Variants in MAOB observed in about 807,000 individuals in gnomAD.
MAOB encodes monoamine oxidase B, also known as amine oxidase [flavin-containing] B.
Under a neutral mutation model 41.9 loss-of-function variants are expected in MAOB, and 15 were observed. That is an observed-to-expected ratio of 0.36 (90% CI 0.24 to 0.55). MAOB has a LOEUF of 0.55. Ranked by LOEUF, MAOB falls within the 20% of genes least tolerant of loss-of-function variation. MAOB has a pLI of 0.86. For missense variants in MAOB, 345 were observed against 398.7 expected, an observed-to-expected ratio of 0.87 and a Z score of 1.15; for synonymous variants, 167 against 144.2, an observed-to-expected ratio of 1.16 and a Z score of -1.13.
intron 8 of MAOB, among the ~76,000 whole-genome samples, chrX:43,791,176 C>T (rs1475560288): frequency 8.9e-6 from 1 of 111,849 alleles, no homozygotes; most frequent in Admixed American, 9.5e-5. Flanking sequence ...CAGTCCTAAA[C>T]GTGATTATCT....
intron 1 of MAOB, among the ~76,000 whole-genome samples, chrX:43,847,200 C>T (rs1365192501): frequency 1.8e-5 from 2 of 110,633 alleles, no homozygotes; most frequent in East Asian, 2.8e-4. Context: ...GAAAATTACC[C>T]GGGTGTGGTG....
intron 3 of MAOB, among the ~76,000 whole-genome samples, chrX:43,830,197 T>A (rs1041861629): frequency 2.7e-5 from 3 of 112,144 alleles, no homozygotes; most frequent in African/African-American, 9.7e-5. Flanking sequence ...ACTTTTAGAT[T>A]TCACGCATAT....
intron 1 of MAOB, among the ~76,000 whole-genome samples, chrX:43,877,964 C>T (rs1206039336): frequency 8.9e-6 from 1 of 112,188 alleles, no homozygotes; most frequent in Admixed American, 9.4e-5. Flanking sequence ...TGTTTTTGCT[C>T]CCTTAGATTG....
At chrX:43,861,244 G>C (rs2035330256) in intron 1 of MAOB, among the ~76,000 whole-genome samples, 1 of 112,599 alleles carries the variant, frequency 8.9e-6, no homozygotes, top group African/African-American at 3.2e-5. Flanking sequence ...GAATTCAGAC[G>C]AGTCAATTAA....
intron 1 of MAOB, among the ~76,000 whole-genome samples, chrX:43,876,848 G>A (rs748343376): frequency 4.5e-5 from 5 of 111,219 alleles, no homozygotes; most frequent in Non-Finnish European, 9.4e-5. Context: ...GCATGCACGC[G>A]TGTGTGTGTG....
intron 1 of MAOB, among the ~76,000 whole-genome samples, chrX:43,849,514 T>C (rs150674183): frequency 3.6e-5 from 4 of 112,533 alleles, no homozygotes; most frequent in African/African-American, 9.7e-5. Flanking sequence ...TTCCAAAACA[T>C]GTCCTTCATT....
At chrX:43,803,274 T>A in intron 4 of MAOB, 26 bp downstream of exon 4, 1 of 1,106,422 alleles carries the variant, frequency 9.0e-7, no homozygotes, top group Middle Eastern at 2.5e-4. Context: ...CAAAAAAGAA[T>A]ACAAATATAG....
chrX:43,804,011 G>A (rs529975253), intron 3 of MAOB, among the ~76,000 whole-genome samples: 75 of 111,234 alleles, frequency 6.7e-4, no homozygotes, highest in African/African-American at 2.4e-3. Context: ...TTCCCACAGG[G>A]ATACCTCGAC....
chrX:43,782,739 T>C (rs2034350132), intron 8 of MAOB, among the ~76,000 whole-genome samples: 1 of 111,851 alleles, frequency 8.9e-6, no homozygotes, highest in Non-Finnish European at 1.9e-5. Context: ...GCAAAAATCC[T>C]CAATAAAATA....
intron 1 of MAOB, among the ~76,000 whole-genome samples, chrX:43,857,130 G>C (rs752660215): frequency 3.5e-5 from 1 of 28,898 alleles, no homozygotes; most frequent in Non-Finnish European, 6.1e-5. Flanking sequence ...GAGAGAGAGA[G>C]AGAGAGAGAG....
chrX:43,853,796 G>A (rs2035271020), intron 1 of MAOB, among the ~76,000 whole-genome samples: 1 of 111,080 alleles, frequency 9.0e-6, no homozygotes, highest in African/African-American at 3.3e-5. Flanking sequence ...AGACACTAAG[G>A]GAGAGGCATG....
chrX:43,786,727 A>G (rs894904273), intron 8 of MAOB, among the ~76,000 whole-genome samples: 5 of 111,877 alleles, frequency 4.5e-5, no homozygotes, highest in African/African-American at 1.6e-4. Flanking sequence ...GGACCAGCAT[A>G]GGATGCCAGG....
intron 11 of MAOB, among the ~76,000 whole-genome samples, chrX:43,777,837 A>G (rs777112733): frequency 4.5e-5 from 5 of 112,223 alleles, no homozygotes; most frequent in South Asian, 7.5e-4. Flanking sequence ...TTTAATAATC[A>G]CTTTCAAAAG....
At position 43,770,981 on chromosome X, in the gene MAOB, T is replaced by C. The variant is rs28636832; in HGVS notation, c.1236-1563A>G. ...GTTCTCTTATATCTGATAAGCGATG[T>C]CAAGAACTAACATCCATGTTCCATC... On this transcript the variant is annotated intron_variant, in intron 12 of 14. Coordinates refer to ENST00000378069, the MANE Select transcript of MAOB (RefSeq NM_000898.5). Among the ~76,000 whole-genome samples the C allele has an allele frequency of 5.6e-3, 631 of 111,982 alleles. 3 individuals carry two copies. The highest frequency in any genetic ancestry group is 0.019 in the African/African-American group (594 of 30,770).
At chrX:43,779,853 C>T (rs1204358076) in intron 10 of MAOB, among the ~76,000 whole-genome samples, 1 of 111,556 alleles carries the variant, frequency 9.0e-6, no homozygotes, top group Non-Finnish European at 1.9e-5. Context: ...CACTGGTGAA[C>T]ACTAATTGCA....
chrX:43,806,408 T>C (rs2034662368), intron 3 of MAOB, among the ~76,000 whole-genome samples: 1 of 112,005 alleles, frequency 8.9e-6, no homozygotes, highest in South Asian at 3.7e-4. Flanking sequence ...CTGTCTGAAG[T>C]TACTTTTTTC....
At chrX:43,870,466 G>A (rs1029556709) in intron 1 of MAOB, among the ~76,000 whole-genome samples, 11 of 111,174 alleles carry the variant, frequency 9.9e-5, no homozygotes, top group Non-Finnish European at 2.1e-4. Flanking sequence ...ACTAAGCACC[G>A]TCTCCAGGCC....
intron 3 of MAOB, among the ~76,000 whole-genome samples, chrX:43,817,176 C>A (rs1364311468): frequency 9.3e-6 from 1 of 106,985 alleles, no homozygotes; most frequent in East Asian, 3.0e-4. Context: ...TCTGTTTTAA[C>A]TACTGACCAA....
At chrX:43,774,165 C>T (rs1427086384) in intron 12 of MAOB, among the ~76,000 whole-genome samples, 4 of 111,930 alleles carry the variant, frequency 3.6e-5, no homozygotes, top group African/African-American at 1.3e-4. Context: ...TTTCAACAGT[C>T]TTTGACTCAC....
Sources: allele counts gnomAD v4.1 joint callset (sites outside exome capture counted in the v4.1 genomes callset), GRCh38; gene constraint gnomAD v4.1.1; transcripts MANE v1.5; gene names NCBI Gene and HGNC (gene_info 2026-07-23, HGNC 2026-07-21).